Variants in BTBD9 observed in about 807,000 individuals in gnomAD.
BTBD9 encodes BTB/POZ domain-containing protein 9.
BTBD9 carries 49 observed loss-of-function variants against 64.3 expected under a neutral mutation model. The ratio of observed to expected loss-of-function variants is 0.76; its 90% confidence interval spans 0.61 to 0.97. The LOEUF (loss-of-function observed/expected upper bound fraction) is 0.97, where lower values mean the gene tolerates loss of function less well. Among genes scored for constraint, BTBD9 ranks in the 50% least tolerant of loss-of-function variants. The pLI is 0.00. For synonymous variants in BTBD9, 260 were observed against 274.7 expected, an observed-to-expected ratio of 0.95 and a Z score of 0.53; for missense variants, 598 against 762.1, an observed-to-expected ratio of 0.78 and a Z score of 2.53.
chr6:38,192,539 T>C lies in BTBD9; in HGVS notation c.1621A>G (p.Thr541Ala), dbSNP rs892668305. The change falls in exon 10 of 11, where the codon ACA becomes GCA. Residue 541 changes from threonine (T) to alanine (A), a missense_variant. Thr to Ala is a moderately conservative substitution (Grantham distance 58, BLOSUM62 0). Transcript: ENST00000481247. ...CTTACCTCATTTGCTGTGTTGTGTG[T>C]CCCAACGATACGGATGAAGGAGGCA... is the stretch of plus-strand genomic sequence containing the variant. Reference protein sequence around the residue: ...QPASFIRIVGTHNTANEVFHC... With the variant: ...QPASFIRIVGAHNTANEVFHC... 1.3e-5 allele frequency: 21 copies of C among 1,613,858 alleles called. No individual in the cohort carries two copies. The highest frequency in any genetic ancestry group is 1.8e-5 in the Non-Finnish European group (21 of 1,179,898).
intron 3 of BTBD9, among the ~76,000 whole-genome samples, chr6:38,593,239 C>T (rs748806353): frequency 3.6e-4 from 55 of 152,194 alleles, no homozygotes; most frequent in Admixed American, 8.5e-4. Flanking sequence ...AGTATTACTT[C>T]ACTACCATAC....
At position 38,597,847 on chromosome 6, in the gene BTBD9, G is replaced by A. The variant is rs924572385; in HGVS notation, c.185+63C>T. 1.9e-5 allele frequency: 27 copies of A among 1,389,782 alleles called. No homozygotes were observed. In the African/African-American group the frequency reaches 3.7e-4, roughly 19 times the overall value. 86.1% of individuals were successfully genotyped at this position (1,389,782 alleles called of 1,614,324 possible). On this transcript the variant is annotated intron_variant, in intron 2 of 10. Transcript: ENST00000481247. ...TACTTGGTTATATATTTTTCATAGA[G>A]CAGAAAATACCAGTGTTTTCTACAA... is the stretch of plus-strand genomic sequence containing the variant.
chr6:38,298,985 T>A (rs1376324863), intron 7 of BTBD9, among the ~76,000 whole-genome samples: 4 of 152,110 alleles, frequency 2.6e-5, no homozygotes, highest in Non-Finnish European at 4.4e-5. Flanking sequence ...TAGGTATACC[T>A]CCGAATGCTA....
chr6:38,594,044 A>T lies in BTBD9; in HGVS notation c.469T>A (p.Leu157Ile), dbSNP rs376880486. The change falls in exon 3 of 11, where the codon TTA becomes ATA. Residue 157 changes from leucine (L) to isoleucine (I), a missense_variant. Leu to Ile is a conservative substitution (Grantham distance 5, BLOSUM62 2). Transcript: ENST00000481247. ...ATAAACATGCAGCACATACAAGTTA[A>T]CTTGGGAAGTGAGTAGAGACTGGCA... ...DVASLYSLPK[L>I]TCMCCMFMDR... is the part of the protein sequence containing the mutation. 1.4e-5 allele frequency: 22 copies of T among 1,614,072 alleles called. No homozygotes were observed. In the African/African-American group the frequency reaches 2.9e-4, roughly 22 times the overall value.
At chr6:38,227,093 C>T (rs2127513457) in intron 9 of BTBD9, among the ~76,000 whole-genome samples, 1 of 152,310 alleles carries the variant, frequency 6.6e-6, no homozygotes, top group Admixed American at 6.5e-5. Context: ...CTTGCTCACC[C>T]ACTGTGTGCC....
chr6:38,590,720 A>C (rs1403736320), intron 4 of BTBD9, among the ~76,000 whole-genome samples: 2 of 152,228 alleles, frequency 1.3e-5, no homozygotes, highest in Non-Finnish European at 2.9e-5. Context: ...CCTAGTGTTC[A>C]AATTTTTAAA....
At chr6:38,534,805 T>C (rs929530112) in intron 6 of BTBD9, among the ~76,000 whole-genome samples, 1 of 152,070 alleles carries the variant, frequency 6.6e-6, no homozygotes. Context: ...AAAAAGCATT[T>C]GATAAAATTC....
At chr6:38,416,338 T>A (rs1562153612) in intron 6 of BTBD9, among the ~76,000 whole-genome samples, 1 of 109,022 alleles carries the variant, frequency 9.2e-6, no homozygotes, top group Non-Finnish European at 1.9e-5. Flanking sequence ...CCCTCTGTAC[T>A]TTTTTTTTTT....
intron 6 of BTBD9, among the ~76,000 whole-genome samples, chr6:38,397,870 C>T (rs1370874495): frequency 2.0e-5 from 3 of 152,166 alleles, no homozygotes; most frequent in African/African-American, 7.2e-5. Context: ...ACAAACAAAG[C>T]ATTCTTGTGG....
intron 6 of BTBD9, among the ~76,000 whole-genome samples, chr6:38,569,886 T>G (rs1775686242): frequency 6.6e-6 from 1 of 151,084 alleles, no homozygotes; most frequent in Non-Finnish European, 1.5e-5. Flanking sequence ...AAAAAGCAAC[T>G]CAAGGTGTGA....
intron 6 of BTBD9, among the ~76,000 whole-genome samples, chr6:38,449,062 A>G (rs902339344): frequency 6.6e-6 from 1 of 152,178 alleles, no homozygotes; most frequent in Non-Finnish European, 1.5e-5. Flanking sequence ...GGACAAAGAA[A>G]GAACTCAAAA....
At chr6:38,562,040 A>G (rs78752085) in intron 6 of BTBD9, among the ~76,000 whole-genome samples, 13 of 152,312 alleles carry the variant, frequency 8.5e-5, no homozygotes, top group African/African-American at 3.1e-4. Flanking sequence ...TCAAAACAAG[A>G]TATTAACAAA....
chr6:38,382,452 G>A (rs537558820), intron 6 of BTBD9, among the ~76,000 whole-genome samples: 1 of 151,404 alleles, frequency 6.6e-6, no homozygotes, highest in African/African-American at 2.4e-5. Context: ...AGCCTGGGGA[G>A]GCTGCAGTGA....
intron 1 of BTBD9, among the ~76,000 whole-genome samples, chr6:38,600,207 A>G (rs985750264): frequency 6.6e-6 from 1 of 152,244 alleles, no homozygotes; most frequent in African/African-American, 2.4e-5. Flanking sequence ...AGGTTATACA[A>G]TCTACGTCAA....
chr6:38,583,931 C>T (rs1217962516), intron 4 of BTBD9, among the ~76,000 whole-genome samples: 1 of 152,012 alleles, frequency 6.6e-6, no homozygotes, highest in African/African-American at 2.4e-5. Context: ...TAGGAAGAAT[C>T]ATCATGAGAA....
chr6:38,513,338 C>T (rs1772859188), intron 6 of BTBD9, among the ~76,000 whole-genome samples: 1 of 151,904 alleles, frequency 6.6e-6, no homozygotes, highest in Admixed American at 6.6e-5. Context: ...GTCCCAGCTA[C>T]TTGGGAGGCT....
intron 8 of BTBD9, among the ~76,000 whole-genome samples, chr6:38,273,051 T>A (rs1765247825): frequency 6.6e-6 from 1 of 152,202 alleles, no homozygotes; most frequent in Non-Finnish European, 1.5e-5. Context: ...TTGGTACTTG[T>A]ACAATTTTTG....
intron 6 of BTBD9, among the ~76,000 whole-genome samples, chr6:38,419,096 T>C (rs1259887791): frequency 6.6e-6 from 1 of 152,260 alleles, no homozygotes; most frequent in African/African-American, 2.4e-5. Context: ...GCTGTGTGTT[T>C]GTATTTAAGG....
chr6:38,625,199 T>C (rs917115678), intron 1 of BTBD9, among the ~76,000 whole-genome samples: 8 of 152,194 alleles, frequency 5.3e-5, no homozygotes, highest in African/African-American at 1.9e-4. Flanking sequence ...TTATACATGC[T>C]ATAAAATATT....
Sources: gnomAD v4.1 joint callset for allele counts (sites outside exome capture counted in the v4.1 genomes callset) on GRCh38, gnomAD v4.1.1 for gene constraint, MANE v1.5 for transcripts, NCBI Gene and HGNC (gene_info 2026-07-23, HGNC 2026-07-21) for gene names.